CTIF: variants seen among roughly 807,000 people sequenced by gnomAD.
CTIF encodes the protein CBP80/20-dependent translation initiation factor.
CTIF carries 21 observed loss-of-function variants against 66.0 expected under a neutral mutation model. That is an observed-to-expected ratio of 0.32 (90% CI 0.23 to 0.46). The LOEUF (loss-of-function observed/expected upper bound fraction) is 0.46, where lower values mean the gene tolerates loss of function less well. Among genes scored for constraint, CTIF ranks in the 20% least tolerant of loss-of-function variants. The probability of loss-of-function intolerance (pLI) is 1.00; values close to 1 mark genes in which losing one functional copy is unlikely to be tolerated. For missense variants in CTIF, 739 were observed against 812.7 expected (o/e 0.91, Z 1.10); for synonymous variants, 345 against 326.4 (o/e 1.06, Z -0.62).
At chr18:48,647,739 G>A (rs2091073031) in intron 3 of CTIF, among the ~76,000 whole-genome samples, 1 of 152,192 alleles carries the variant, frequency 6.6e-6, no homozygotes, top group Non-Finnish European at 1.5e-5. Context: ...AAGGGGAGGA[G>A]CCCTGCCTGC....
At chr18:48,763,639 C>T (rs1228750449) in intron 9 of CTIF, among the ~76,000 whole-genome samples, 1 of 152,214 alleles carries the variant, frequency 6.6e-6, no homozygotes, top group African/African-American at 2.4e-5. Flanking sequence ...AAATTGAAAG[C>T]TGGGAAGCAA....
In CTIF at chr18:48,753,952, G is replaced by A. The variant is rs999630200; in HGVS notation, c.585-3967G>A. ...AATGAAGGTATCGACGAAACCCAGC[G>A]CCAGCAAATACAGAAGAGAGAGGAG... is the stretch of plus-strand genomic sequence containing the variant. On this transcript the variant is annotated intron_variant, in intron 7 of 11. Coordinates refer to ENST00000256413, the MANE Select transcript of CTIF (RefSeq NM_014772.3). 3.3e-5 allele frequency among the ~76,000 whole-genome samples: 5 copies of A among 152,134 alleles called. No homozygotes were observed. In the East Asian group the frequency reaches 5.8e-4, roughly 18 times the overall value.
chr18:48,670,573 G>C, intron 5 of CTIF, 96 bp from the exon 6 acceptor site: 3 of 1,103,552 alleles, frequency 2.7e-6, no homozygotes, highest in Non-Finnish European at 2.8e-6. Flanking sequence ...GCAGCACCAG[G>C]TATCTGCTGA....
At chr18:48,656,576 C>A (rs987803568) in intron 3 of CTIF, among the ~76,000 whole-genome samples, 1 of 152,164 alleles carries the variant, frequency 6.6e-6, no homozygotes, top group African/African-American at 2.4e-5. Flanking sequence ...GTTTCCCTTC[C>A]CACAAGCAAG....
chr18:48,588,622 T>TA, intron 1 of CTIF, among the ~76,000 whole-genome samples: 1 of 146,160 alleles, frequency 6.8e-6, no homozygotes, highest in South Asian at 2.4e-4. Flanking sequence ...GTCCTGCCCC[T>TA]GCCCGGCTCG....
In CTIF at chr18:48,625,771, G is replaced by T. The variant is rs114114758; in HGVS notation, c.180+6026G>T. Among the ~76,000 whole-genome samples the T allele has an allele frequency of 2.7e-3, 404 of 152,240 alleles. 4 individuals are homozygous for T. The highest frequency in any genetic ancestry group is 9.5e-3 in the African/African-American group (396 of 41,550). ...CATTTGCTTAATGGTAGGCACTCAG[G>T]TTACTTCTAAATTTTCCCCTGGAAA... On this transcript the variant is annotated intron_variant, in intron 2 of 11. Coordinates refer to ENST00000256413, the MANE Select transcript of CTIF (RefSeq NM_014772.3).
At chr18:48,807,140 C>T (rs2068163790) in intron 9 of CTIF, among the ~76,000 whole-genome samples, 1 of 152,158 alleles carries the variant, frequency 6.6e-6, no homozygotes, top group Admixed American at 6.5e-5. Flanking sequence ...TAACATGTGT[C>T]AAGAGGAGAC....
At chr18:48,575,880 C>A (rs555650072) in intron 1 of CTIF, among the ~76,000 whole-genome samples, 1 of 152,330 alleles carries the variant, frequency 6.6e-6, no homozygotes, top group East Asian at 1.9e-4. Flanking sequence ...GGGCTTTTGC[C>A]TGGACGAAGG....
intron 1 of CTIF, among the ~76,000 whole-genome samples, chr18:48,597,844 C>T (rs1471984986): frequency 6.6e-6 from 1 of 152,254 alleles, no homozygotes; most frequent in Non-Finnish European, 1.5e-5. Context: ...TGCTGGCATG[C>T]AGCTCCAGCC....
intron 9 of CTIF, among the ~76,000 whole-genome samples, chr18:48,815,876 C>G (rs547851422): frequency 6.0e-4 from 92 of 152,300 alleles, no homozygotes; most frequent in Non-Finnish European, 1.0e-3. Flanking sequence ...GGTGGTGACA[C>G]AGTCACCCAG....
intron 10 of CTIF, among the ~76,000 whole-genome samples, chr18:48,848,391 C>T (rs925826286): frequency 4.6e-5 from 7 of 152,220 alleles, no homozygotes; most frequent in Admixed American, 2.6e-4. Flanking sequence ...TGGCCACCTC[C>T]AGTCGCTACC....
intron 9 of CTIF, among the ~76,000 whole-genome samples, chr18:48,778,305 A>G (rs1473266963): frequency 6.6e-6 from 1 of 152,136 alleles, no homozygotes; most frequent in Non-Finnish European, 1.5e-5. Flanking sequence ...TAGCTGTTCA[A>G]AGGGTATGTC....
intron 4 of CTIF, 70 bp from the exon 5 acceptor site, chr18:48,664,377 C>A (rs2091398513): frequency 7.4e-7 from 1 of 1,354,326 alleles, no homozygotes; most frequent in Non-Finnish European, 1.1e-6. Flanking sequence ...TTCAGCCTGG[C>A]CCCCTGGTTC....
chr18:48,552,861 G>A (rs776631283), intron 1 of CTIF, among the ~76,000 whole-genome samples: 2 of 152,226 alleles, frequency 1.3e-5, no homozygotes, highest in African/African-American at 4.8e-5. Context: ...ACTGGTCTTA[G>A]ATTGGCCACC....
Position 48,686,773 on chromosome 18 carries a change from C to A in CTIF, c.507+16029C>A, listed in dbSNP as rs539420124. ...GCCTTGCCTCTCCTGGTACCTGGGG[C>A]CTGCAAGCTTTGAGTCCTCGGAGAT... On this transcript the variant is annotated intron_variant, in intron 6 of 11. Coordinates refer to ENST00000256413, the MANE Select transcript of CTIF (RefSeq NM_014772.3). 2.0e-5 allele frequency among the ~76,000 whole-genome samples: 3 copies of A among 152,228 alleles called. No individual in the cohort carries two copies. The East Asian group carries it at 5.8e-4, about 29-fold the overall frequency.
At chr18:48,561,230 T>A (rs1311213951) in intron 1 of CTIF, among the ~76,000 whole-genome samples, 1 of 96,904 alleles carries the variant, frequency 1.0e-5, no homozygotes, top group Non-Finnish European at 2.1e-5. Context: ...AGTGAGACTC[T>A]GTCTCAAAAA....
chr18:48,851,930 A>G (rs1384992880), intron 10 of CTIF, among the ~76,000 whole-genome samples: 1 of 152,080 alleles, frequency 6.6e-6, no homozygotes, highest in East Asian at 1.9e-4. Flanking sequence ...GAAATTTACT[A>G]TAAGAAAGAA....
chr18:48,583,484 T>C (rs1429223898), intron 1 of CTIF, among the ~76,000 whole-genome samples: 2 of 152,154 alleles, frequency 1.3e-5, no homozygotes, highest in Non-Finnish European at 2.9e-5. Context: ...AGTCGGACTA[T>C]TTTTAGAGGG....
chr18:48,753,009 A>G (rs974750905), intron 7 of CTIF, among the ~76,000 whole-genome samples: 5 of 152,216 alleles, frequency 3.3e-5, no homozygotes, highest in African/African-American at 9.6e-5. Flanking sequence ...TCGACTAAGC[A>G]GCCCCTGAGC....
Sources: gnomAD v4.1 joint callset for allele counts (sites outside exome capture counted in the v4.1 genomes callset) on GRCh38, gnomAD v4.1.1 for gene constraint, MANE v1.5 for transcripts, NCBI Gene and HGNC (gene_info 2026-07-23, HGNC 2026-07-21) for gene names.